The following UBE2E2 variants were observed in gnomAD, a reference collection of about 807,000 sequenced individuals.
The protein encoded by UBE2E2 is ubiquitin-conjugating enzyme E2 E2.
In UBE2E2, 6 loss-of-function variants were observed where a neutral mutation model predicts 24.7. The observed-to-expected ratio is 0.24, with a 90% CI of 0.13 to 0.48. The LOEUF (loss-of-function observed/expected upper bound fraction) is 0.48. Ranked by LOEUF, UBE2E2 falls within the 20% of genes least tolerant of loss-of-function variation. The pLI is 0.99. For missense variants in UBE2E2, 169 were observed against 245.0 expected, an observed-to-expected ratio of 0.69 and a Z score of 2.07; for synonymous variants, 104 against 83.6, an observed-to-expected ratio of 1.24 and a Z score of -1.33.
At chr3:23,477,143 A>C (rs1404081594) in intron 3 of UBE2E2, among the ~76,000 whole-genome samples, 1 of 151,108 alleles carries the variant, frequency 6.6e-6, no homozygotes, top group Non-Finnish European at 1.5e-5. Context: ...GAAGTCTTAC[A>C]TGAATTAGGA....
At chr3:23,515,852 G>C (rs1407809851) in intron 4 of UBE2E2, among the ~76,000 whole-genome samples, 1 of 151,696 alleles carries the variant, frequency 6.6e-6, no homozygotes, top group African/African-American at 2.4e-5. Flanking sequence ...GCTCACACCT[G>C]TAGTCTCAGC....
intron 4 of UBE2E2, among the ~76,000 whole-genome samples, chr3:23,500,902 A>G (rs1219215807): frequency 6.6e-6 from 1 of 152,220 alleles, no homozygotes; most frequent in Non-Finnish European, 1.5e-5. Context: ...TCCAAAGCCC[A>G]TACTTCTTCC....
intron 3 of UBE2E2, among the ~76,000 whole-genome samples, chr3:23,285,117 A>T (rs991886992): frequency 6.6e-6 from 1 of 152,122 alleles, no homozygotes; most frequent in African/African-American, 2.4e-5. Context: ...CAAATAAGTG[A>T]GAACAGACAA....
intron 3 of UBE2E2, among the ~76,000 whole-genome samples, chr3:23,457,672 T>C (rs1443275663): frequency 6.6e-6 from 1 of 152,182 alleles, no homozygotes; most frequent in Non-Finnish European, 1.5e-5. Flanking sequence ...TTCACCACCA[T>C]ATCCAGCTAC....
chr3:23,296,587 C>G (rs1434413521), intron 3 of UBE2E2, among the ~76,000 whole-genome samples: 1 of 152,076 alleles, frequency 6.6e-6, no homozygotes, highest in Non-Finnish European at 1.5e-5. Flanking sequence ...CGATAGTTTG[C>G]TGAGAATTAC....
chr3:23,210,966 CTCTT>C (rs148416909), intron 2 of UBE2E2, among the ~76,000 whole-genome samples: 316 of 152,278 alleles, frequency 2.1e-3, no homozygotes, highest in Middle Eastern at 6.8e-3. Context: ...TTTCCCCTCT[CTCTT>C]CCTCCAATTC....
At chr3:23,314,363 C>G (rs1694510400) in intron 3 of UBE2E2, among the ~76,000 whole-genome samples, 1 of 152,140 alleles carries the variant, frequency 6.6e-6, no homozygotes, top group African/African-American at 2.4e-5. Flanking sequence ...CTCCTGGGCT[C>G]AAGTGATCCT....
chr3:23,493,733 A>G (rs1699546814), intron 3 of UBE2E2, among the ~76,000 whole-genome samples: 1 of 152,170 alleles, frequency 6.6e-6, no homozygotes, highest in Non-Finnish European at 1.5e-5. Context: ...CTATATCTAA[A>G]TATACATCAT....
intron 3 of UBE2E2, among the ~76,000 whole-genome samples, chr3:23,243,296 A>G (rs1673022000): frequency 6.6e-6 from 1 of 152,206 alleles, no homozygotes; most frequent in South Asian, 2.1e-4. Context: ...ATTATTTGTT[A>G]GGCACTTATG....
intron 3 of UBE2E2, among the ~76,000 whole-genome samples, chr3:23,443,919 A>G (rs1271346998): frequency 6.6e-6 from 1 of 152,162 alleles, no homozygotes; most frequent in Admixed American, 6.5e-5. Flanking sequence ...AATCCCCTTC[A>G]AGGTGGAGCC....
At chr3:23,452,828 A>AACAG (rs140089311) in intron 3 of UBE2E2, among the ~76,000 whole-genome samples, 4,670 of 152,260 alleles carry the variant, frequency 0.031, 128 homozygotes, top group East Asian at 0.15. Context: ...CCTATGATCT[A>AACAG]ACAGAGTTAG....
intron 4 of UBE2E2, among the ~76,000 whole-genome samples, chr3:23,505,305 G>A (rs1694421520): frequency 6.6e-6 from 1 of 152,076 alleles, no homozygotes; most frequent in South Asian, 2.1e-4. Context: ...CAGTAGAAAT[G>A]CATAGGGGTA....
chr3:23,329,945 C>T (rs1376813179), intron 3 of UBE2E2, among the ~76,000 whole-genome samples: 1 of 152,190 alleles, frequency 6.6e-6, no homozygotes, highest in Non-Finnish European at 1.5e-5. Context: ...ACAAAGCATC[C>T]TGCTTCTGCA....
At chr3:23,345,268 C>T (rs919266789) in intron 3 of UBE2E2, among the ~76,000 whole-genome samples, 4 of 152,142 alleles carry the variant, frequency 2.6e-5, no homozygotes, top group Non-Finnish European at 5.9e-5. Context: ...GTTCATACCT[C>T]CTTGAAGACT....
At chr3:23,219,696 C>T (rs190918274) in intron 3 of UBE2E2, among the ~76,000 whole-genome samples, 150 of 152,250 alleles carry the variant, frequency 9.9e-4, no homozygotes, top group African/African-American at 3.4e-3. Flanking sequence ...TACTCTGCTC[C>T]CTTTGTGGAT....
chr3:23,561,980 G>C (rs557462483), intron 5 of UBE2E2, among the ~76,000 whole-genome samples: 1 of 152,256 alleles, frequency 6.6e-6, no homozygotes, highest in East Asian at 1.9e-4. Flanking sequence ...TGAGACAATG[G>C]GATTTTCTAG....
chr3:23,251,868 C>T (rs933506838), intron 3 of UBE2E2, among the ~76,000 whole-genome samples: 2 of 152,172 alleles, frequency 1.3e-5, no homozygotes, highest in African/African-American at 4.8e-5. Context: ...CATTTATAGG[C>T]AAATGCTATA....
In UBE2E2 at chr3:23,590,308, T is replaced by G. The variant is rs1213399439; in HGVS notation, c.*477T>G. 1 of 155,872 alleles carries G rather than the reference T, an allele frequency of 6.4e-6. No homozygotes were observed. The highest frequency in any genetic ancestry group is 2.4e-5 in the African/African-American group (1 of 41,456). The allele number at this position is 155,872 out of a possible 1,614,324, so 9.7% of individuals were successfully genotyped here. ...TGTAGTGCTTAGGGTTAATTTTTTG[T>G]ACTGAAGTCTTTATTGGTGGGTGCA... On this transcript the variant is annotated 3_prime_UTR_variant, in exon 6 of 6. Coordinates refer to ENST00000396703, the MANE Select transcript of UBE2E2 (RefSeq NM_152653.4).
intron 5 of UBE2E2, among the ~76,000 whole-genome samples, chr3:23,536,732 G>A (rs545588234): frequency 6.6e-6 from 1 of 152,280 alleles, no homozygotes; most frequent in South Asian, 2.1e-4. Context: ...ATTGTAGATG[G>A]GGAGGAATAT....
Sources: gnomAD v4.1 joint callset for allele counts (sites outside exome capture counted in the v4.1 genomes callset) on GRCh38, gnomAD v4.1.1 for gene constraint, MANE v1.5 for transcripts, NCBI Gene and HGNC (gene_info 2026-07-23, HGNC 2026-07-21) for gene names.